The following LRRC7 variants were observed in gnomAD, a reference collection of about 807,000 sequenced individuals.
LRRC7 encodes leucine-rich repeat-containing protein 7.
A neutral mutation model predicts 175.7 loss-of-function variants in LRRC7; 23 were observed. The ratio of observed to expected loss-of-function variants is 0.13; its 90% CI spans 0.09 to 0.19. The LOEUF (loss-of-function observed/expected upper bound fraction) is 0.19, where lower values mean the gene tolerates loss of function less well. LRRC7 is among the 10% of genes least tolerant of loss of function. The probability of loss-of-function intolerance (pLI) is 1.00; values close to 1 mark genes in which losing one functional copy is unlikely to be tolerated. For missense variants in LRRC7, 1,354 were observed against 1,904.7 expected (o/e 0.71, Z 5.38); for synonymous variants, 685 against 680.9 (o/e 1.01, Z -0.09).
intron 3 of LRRC7, among the ~76,000 whole-genome samples, chr1:69,760,719 T>C (rs1670946590): frequency 6.6e-6 from 1 of 151,868 alleles, no homozygotes; most frequent in Non-Finnish European, 1.5e-5. Context: ...AAAGGAAAAA[T>C]ATGACACTAC....
At chr1:69,593,887 T>TAC in intron 1 of LRRC7, among the ~76,000 whole-genome samples, 1 of 152,204 alleles carries the variant, frequency 6.6e-6, no homozygotes, top group East Asian at 1.9e-4. Context: ...CAACCATGAA[T>TAC]ACACACAATT....
At chr1:69,617,575 A>T (rs1272239891) in intron 1 of LRRC7, among the ~76,000 whole-genome samples, 2 of 139,658 alleles carry the variant, frequency 1.4e-5, no homozygotes, top group East Asian at 4.2e-4. Context: ...AAAAAAAATC[A>T]GAACTACTCT....
At chr1:69,776,334 T>C (rs1049285428) in intron 3 of LRRC7, among the ~76,000 whole-genome samples, 5 of 152,124 alleles carry the variant, frequency 3.3e-5, no homozygotes, top group African/African-American at 1.2e-4. Context: ...TACAATACAG[T>C]AAAGAATACA....
chr1:69,878,285 A>AAC lies in LRRC7; in HGVS notation c.647+40003_647+40004insCA, dbSNP rs72005713. ...AAGAATCCTTATCTTAGAAAAAAAA[A>AAC]AAAAAACAAGAATGCTCTTAAATAG... On this transcript the variant is annotated intron_variant, in intron 7 of 26. Coordinates refer to ENST00000651989, the MANE Select transcript of LRRC7 (RefSeq NM_001370785.2). Among the ~76,000 whole-genome samples the AAC allele has an allele frequency of 7.7e-3, 1,161 of 151,582 alleles. 11 individuals carry two copies. The highest frequency in any genetic ancestry group is 0.026 in the African/African-American group (1,064 of 41,144).
chr1:69,812,093 A>G (rs142667378), intron 4 of LRRC7, among the ~76,000 whole-genome samples: 1 of 152,300 alleles, frequency 6.6e-6, no homozygotes, highest in East Asian at 1.9e-4. Flanking sequence ...AATGGAGCTT[A>G]CAATGATGCT....
At chr1:69,961,860 AAAACCCAAAACCATTAAAACCCTAG>A (rs1190972311) in intron 8 of LRRC7, among the ~76,000 whole-genome samples, 4 of 152,164 alleles carry the variant, frequency 2.6e-5, no homozygotes, top group African/African-American at 9.7e-5. Flanking sequence ...ACTTAAATGT[AAAACCCAAAACCATTAAAACCCTAG>A]AAGAAAACCT....
At chr1:69,712,362 G>A (rs1350946718) in intron 2 of LRRC7, among the ~76,000 whole-genome samples, 1 of 152,204 alleles carries the variant, frequency 6.6e-6, no homozygotes, top group East Asian at 1.9e-4. Flanking sequence ...CCAGCACTCT[G>A]GGAGGCCGAG....
chr1:69,795,398 T>C (rs189476479), intron 4 of LRRC7, among the ~76,000 whole-genome samples: 24 of 150,026 alleles, frequency 1.6e-4, no homozygotes, highest in Non-Finnish European at 4.4e-5. Context: ...AAGCTATCAC[T>C]GATTCTGTGA....
intron 7 of LRRC7, among the ~76,000 whole-genome samples, chr1:69,878,288 A>C (rs1235030030): frequency 6.6e-6 from 1 of 151,518 alleles, no homozygotes; most frequent in East Asian, 1.9e-4. Context: ...AAAAAAAAAA[A>C]AAACAAGAAT....
intron 8 of LRRC7, among the ~76,000 whole-genome samples, chr1:69,942,044 C>T (rs921578541): frequency 3.3e-5 from 5 of 152,052 alleles, no homozygotes; most frequent in African/African-American, 1.2e-4. Flanking sequence ...ACTTATAGTG[C>T]CAGGAACCAA....
intron 7 of LRRC7, among the ~76,000 whole-genome samples, chr1:69,886,433 T>A (rs1687206345): frequency 6.6e-6 from 1 of 151,640 alleles, no homozygotes; most frequent in Non-Finnish European, 1.5e-5. Context: ...GAGACTAGGA[T>A]TGCAAGCCCT....
chr1:70,038,239 C>T lies in LRRC7; in HGVS notation c.2415C>T (p.Asn805=). ...CCATGAGTGATACTTTCACTGACAA[C>T]TGGACTGATGGCTCGCATTATGACA... ...RLPMSDTFTD[N]WTDGSHYDNT... is the part of the protein sequence containing the mutation. The change falls in exon 21 of 27, where the codon AAC becomes AAT. Residue 805 remains asparagine (N), a synonymous_variant. Transcript: ENST00000651989. 6.2e-7 allele frequency: 1 copy of T among 1,614,172 alleles called. No homozygotes were observed. The highest frequency in any genetic ancestry group is 8.5e-7 in the Non-Finnish European group (1 of 1,180,016).
intron 1 of LRRC7, among the ~76,000 whole-genome samples, chr1:69,643,888 A>T (rs1281758906): frequency 6.6e-6 from 1 of 152,104 alleles, no homozygotes; most frequent in Non-Finnish European, 1.5e-5. Context: ...AAACTAGAAG[A>T]TCCCTAAATG....
At chr1:70,071,223 G>T (rs894054016) in intron 23 of LRRC7, among the ~76,000 whole-genome samples, 4 of 152,084 alleles carry the variant, frequency 2.6e-5, no homozygotes, top group Admixed American at 1.3e-4. Flanking sequence ...TTTTCAGATT[G>T]TCTGCTTCTT....
intron 8 of LRRC7, among the ~76,000 whole-genome samples, chr1:69,978,126 C>G (rs1401104243): frequency 6.6e-6 from 1 of 152,088 alleles, no homozygotes; most frequent in African/African-American, 2.4e-5. Context: ...GGTGAAACCC[C>G]GCCTCTACTA....
rs542801474 is a variant in LRRC7 at position 69,794,261 on chromosome 1, A to G, written c.421+2101A>G. On this transcript the variant is annotated intron_variant, in intron 4 of 26. Transcript: ENST00000651989. ...TTTTCAGGAAGAGTTCAAGTAAAACATGTTTCCTGAAGATTTCCATGAAAT... is the reference window on the plus strand; with the variant it reads ...TTTTCAGGAAGAGTTCAAGTAAAACGTGTTTCCTGAAGATTTCCATGAAAT... 1.6e-4 allele frequency among the ~76,000 whole-genome samples: 25 copies of G among 152,160 alleles called. No individual in the cohort carries two copies. The South Asian group carries it at 5.0e-3, about 30-fold the overall frequency.
At chr1:69,649,870 A>T (rs1229358510) in intron 1 of LRRC7, among the ~76,000 whole-genome samples, 2 of 152,054 alleles carry the variant, frequency 1.3e-5, no homozygotes, top group African/African-American at 2.4e-5. Context: ...AAAACCAAAA[A>T]CACCCTCACA....
intron 1 of LRRC7, among the ~76,000 whole-genome samples, chr1:69,594,915 A>G (rs1483129855): frequency 6.6e-6 from 1 of 152,174 alleles, no homozygotes; most frequent in Non-Finnish European, 1.5e-5. Flanking sequence ...TGCTACCTAA[A>G]CTATATGAAA....
At chr1:69,986,504 T>G (rs188003780) in intron 10 of LRRC7, 118 bp downstream of exon 10, 1 of 717,362 alleles carries the variant, frequency 1.4e-6, no homozygotes, top group African/African-American at 1.8e-5. Context: ...TAATAAATTT[T>G]AAAATGTGCT....
Sources: allele counts gnomAD v4.1 joint callset (sites outside exome capture counted in the v4.1 genomes callset), GRCh38; gene constraint gnomAD v4.1.1; transcripts MANE v1.5; gene names NCBI Gene and HGNC (gene_info 2026-07-23, HGNC 2026-07-21).